NMNAT2: variants seen among roughly 807,000 people sequenced by gnomAD.
NMNAT2 encodes the protein nicotinamide/nicotinic acid mononucleotide adenylyltransferase 2.
A neutral mutation model predicts 41.6 loss-of-function variants in NMNAT2; 11 were observed. The observed-to-expected ratio is 0.26, with a 90% CI of 0.17 to 0.44. The LOEUF is 0.44. Ranked by LOEUF, NMNAT2 falls within the 20% of genes least tolerant of loss-of-function variation. The pLI is 1.00. For missense variants in NMNAT2, 288 were observed against 407.7 expected (o/e 0.71, Z 2.53); for synonymous variants, 148 against 151.2 (o/e 0.98, Z 0.16).
intron 1 of NMNAT2, among the ~76,000 whole-genome samples, chr1:183,321,088 G>A (rs1662348025): frequency 6.6e-6 from 1 of 152,084 alleles, no homozygotes; most frequent in African/African-American, 2.4e-5. Context: ...CAAGATTTAG[G>A]GGCAGTTGCA....
chr1:183,251,783 C>T lies in NMNAT2; in HGVS notation c.*858G>A, dbSNP rs1660388414. 1 of 154,774 alleles carries T rather than the reference C, an allele frequency of 6.5e-6. No individual in the cohort carries two copies. The highest frequency in any genetic ancestry group is 1.4e-5 in the Non-Finnish European group (1 of 69,058). The allele number at this position is 154,774 out of a possible 1,614,324, so 9.6% of individuals were successfully genotyped here. ...ACTAAGAAAACAGATTCAAATTATTCTGAGAAAACCGACTATTCACAGACT... is the reference window on the plus strand; with the variant it reads ...ACTAAGAAAACAGATTCAAATTATTTTGAGAAAACCGACTATTCACAGACT... On this transcript the variant is annotated 3_prime_UTR_variant, in exon 11 of 11. Coordinates refer to ENST00000287713, the MANE Select transcript of NMNAT2 (RefSeq NM_015039.4).
At chr1:183,381,111 A>G (rs923027052) in intron 1 of NMNAT2, among the ~76,000 whole-genome samples, 2 of 152,118 alleles carry the variant, frequency 1.3e-5, no homozygotes, top group African/African-American at 4.8e-5. Context: ...TGTGGCAGAA[A>G]ATCTCTAGGA....
intron 1 of NMNAT2, among the ~76,000 whole-genome samples, chr1:183,329,079 G>A (rs1662526519): frequency 6.6e-6 from 1 of 152,142 alleles, no homozygotes; most frequent in African/African-American, 2.4e-5. Context: ...CAGACATACT[G>A]CAAGGGTTCC....
intron 7 of NMNAT2, 59 bp from the exon 8 acceptor site, chr1:183,278,688 C>A: frequency 8.2e-7 from 1 of 1,225,120 alleles, no homozygotes; most frequent in South Asian, 1.2e-5. Context: ...AAGCATTTGA[C>A]CCTCAGCCTT....
intron 1 of NMNAT2, among the ~76,000 whole-genome samples, chr1:183,392,523 A>G (rs1048839033): frequency 1.3e-5 from 2 of 152,230 alleles, no homozygotes; most frequent in African/African-American, 2.4e-5. Context: ...CTTTTCTTCA[A>G]GACCTTCAAA....
intron 1 of NMNAT2, among the ~76,000 whole-genome samples, chr1:183,403,491 GC>G (rs1020964164): frequency 1.2e-4 from 18 of 150,042 alleles, no homozygotes; most frequent in Non-Finnish European, 2.7e-4. Flanking sequence ...GCCATGGGGA[GC>G]CCCCACTCGG....
At chr1:183,400,950 C>A (rs1017522113) in intron 1 of NMNAT2, among the ~76,000 whole-genome samples, 2 of 152,138 alleles carry the variant, frequency 1.3e-5, no homozygotes, top group African/African-American at 4.8e-5. Context: ...AGACCTAAAA[C>A]CACAAAAACC....
chr1:183,405,312 A>C (rs2101928850), intron 1 of NMNAT2, among the ~76,000 whole-genome samples: 1 of 152,332 alleles, frequency 6.6e-6, no homozygotes, highest in Admixed American at 6.5e-5. Flanking sequence ...GGAAGTGGGT[A>C]GGGGTATCAG....
intron 1 of NMNAT2, among the ~76,000 whole-genome samples, chr1:183,346,814 G>T (rs1022856517): frequency 2.6e-5 from 4 of 152,122 alleles, no homozygotes; most frequent in African/African-American, 9.7e-5. Flanking sequence ...TGCCAATTGA[G>T]ATCTTTAAAT....
chr1:183,333,471 TGTCAGA>T (rs1321482373), intron 1 of NMNAT2, among the ~76,000 whole-genome samples: 1 of 152,182 alleles, frequency 6.6e-6, no homozygotes, highest in Non-Finnish European at 1.5e-5. Flanking sequence ...GAGGCTGGAT[TGTCAGA>T]GTCAGAGAAG....
intron 1 of NMNAT2, among the ~76,000 whole-genome samples, chr1:183,334,198 C>A (rs1662637969): frequency 6.6e-6 from 1 of 152,162 alleles, no homozygotes; most frequent in Non-Finnish European, 1.5e-5. Flanking sequence ...TTCCGAGTAG[C>A]TGGGATTACA....
At chr1:183,367,128 T>C (rs1244781916) in intron 1 of NMNAT2, among the ~76,000 whole-genome samples, 2 of 152,234 alleles carry the variant, frequency 1.3e-5, no homozygotes, top group African/African-American at 4.8e-5. Flanking sequence ...CATCCTAGCA[T>C]GGTGCCTGGA....
At chr1:183,389,774 A>C (rs538981467) in intron 1 of NMNAT2, among the ~76,000 whole-genome samples, 1 of 52,460 alleles carries the variant, frequency 1.9e-5, no homozygotes, top group African/African-American at 6.2e-5. Context: ...GAAAGAAAGA[A>C]AGAAAGAAAG....
intron 1 of NMNAT2, among the ~76,000 whole-genome samples, chr1:183,344,243 G>A (rs937352467): frequency 6.6e-6 from 1 of 152,190 alleles, no homozygotes; most frequent in Non-Finnish European, 1.5e-5. Flanking sequence ...GCACAATGAA[G>A]CAAGCATAAT....
chr1:183,352,838 C>T (rs1357653699), intron 1 of NMNAT2, among the ~76,000 whole-genome samples: 1 of 152,158 alleles, frequency 6.6e-6, no homozygotes, highest in Non-Finnish European at 1.5e-5. Context: ...TCACCCCTCT[C>T]TGACTGAAGT....
intron 7 of NMNAT2, among the ~76,000 whole-genome samples, chr1:183,278,941 G>A (rs563496782): frequency 6.6e-6 from 1 of 152,338 alleles, no homozygotes; most frequent in East Asian, 1.9e-4. Context: ...AGCCAGGATG[G>A]TTCATTATTG....
chr1:183,311,355 A>T (rs532672491), intron 1 of NMNAT2, among the ~76,000 whole-genome samples: 1 of 152,252 alleles, frequency 6.6e-6, no homozygotes, highest in South Asian at 2.1e-4. Flanking sequence ...TTTATGAAAA[A>T]CTGTGAGGGA....
chr1:183,281,327 G>A (rs538293633), intron 7 of NMNAT2, among the ~76,000 whole-genome samples: 1 of 152,234 alleles, frequency 6.6e-6, no homozygotes, highest in South Asian at 2.1e-4. Flanking sequence ...GCATGCTACT[G>A]GCATCTAGTG....
chr1:183,385,611 T>C (rs2101918245), intron 1 of NMNAT2, among the ~76,000 whole-genome samples: 1 of 152,254 alleles, frequency 6.6e-6, no homozygotes, highest in East Asian at 1.9e-4. Flanking sequence ...TTTTTTTTTT[T>C]TCCAGAAAAT....
Sources: gnomAD v4.1 joint callset for allele counts (sites outside exome capture counted in the v4.1 genomes callset) on GRCh38, gnomAD v4.1.1 for gene constraint, MANE v1.5 for transcripts, NCBI Gene and HGNC (gene_info 2026-07-23, HGNC 2026-07-21) for gene names.